Variants in ESYT2 observed in about 807,000 individuals in gnomAD.
ESYT2 encodes the protein extended synaptotagmin 2.
Under a neutral mutation model 107.2 loss-of-function variants are expected in ESYT2, and 54 were observed. The ratio of observed to expected loss-of-function variants is 0.50; its 90% CI spans 0.40 to 0.63. The LOEUF is 0.63. ESYT2 is among the 30% of genes least tolerant of loss of function. The pLI is 0.00. For synonymous variants in ESYT2, 491 were observed against 434.1 expected (o/e 1.13, Z -1.63); for missense variants, 1,020 against 1,094.5 (o/e 0.93, Z 0.96).
chr7:158,750,885 G>A (rs1023352632), intron 14 of ESYT2, among the ~76,000 whole-genome samples: 1 of 152,210 alleles, frequency 6.6e-6, no homozygotes. Context: ...GGAGCCACAG[G>A]TAGCTCGTGG....
At chr7:158,803,417 C>T (rs988959880) in intron 1 of ESYT2, among the ~76,000 whole-genome samples, 78 of 151,962 alleles carry the variant, frequency 5.1e-4, no homozygotes, top group African/African-American at 1.9e-3. Flanking sequence ...CAATAGAAAT[C>T]GGAAACTCTG....
intron 11 of ESYT2, among the ~76,000 whole-genome samples, chr7:158,760,626 G>T (rs1837929341): frequency 6.6e-6 from 1 of 152,138 alleles, no homozygotes. Context: ...CCACCAAATG[G>T]CCTTTAACGG....
At chr7:158,781,925 AAAGGTAT>A (rs1838846252) in intron 6 of ESYT2, among the ~76,000 whole-genome samples, 1 of 150,524 alleles carries the variant, frequency 6.6e-6, no homozygotes, top group Non-Finnish European at 1.5e-5. Flanking sequence ...ACAAAGTGTG[AAAGGTAT>A]GAGTGTAAGA....
intron 11 of ESYT2, 89 bp from the exon 12 acceptor site, chr7:158,760,236 C>T (rs567824088): frequency 8.6e-7 from 1 of 1,168,112 alleles, no homozygotes; most frequent in South Asian, 1.3e-5. Flanking sequence ...TTCCATGCTG[C>T]TCACTAACCA....
intron 7 of ESYT2, among the ~76,000 whole-genome samples, chr7:158,769,492 T>TC (rs1272311005): frequency 1.3e-5 from 2 of 152,314 alleles, no homozygotes; most frequent in African/African-American, 4.8e-5. Context: ...TGGATGCTGC[T>TC]CCCCTAGGTC....
intron 6 of ESYT2, among the ~76,000 whole-genome samples, chr7:158,778,043 T>C (rs572454255): frequency 9.8e-5 from 15 of 152,344 alleles, no homozygotes; most frequent in African/African-American, 3.4e-4. Flanking sequence ...GAGGTGTGCC[T>C]ATGAACACTT....
chr7:158,760,497 A>G (rs1160555905), intron 11 of ESYT2, among the ~76,000 whole-genome samples: 1 of 152,128 alleles, frequency 6.6e-6, no homozygotes, highest in Admixed American at 6.5e-5. Flanking sequence ...AAAGTCTTCT[A>G]TGAATAGACT....
At chr7:158,794,183 C>T (rs1379057285) in intron 3 of ESYT2, among the ~76,000 whole-genome samples, 2 of 152,266 alleles carry the variant, frequency 1.3e-5, no homozygotes, top group Non-Finnish European at 2.9e-5. Flanking sequence ...CTTTATGTCT[C>T]ATAATTTTTC....
intron 13 of ESYT2, among the ~76,000 whole-genome samples, chr7:158,754,387 T>G (rs1837683944): frequency 6.6e-6 from 1 of 152,050 alleles, no homozygotes; most frequent in Admixed American, 6.5e-5. Flanking sequence ...TTTGTATTTT[T>G]TTTTTACTAG....
intron 7 of ESYT2, among the ~76,000 whole-genome samples, chr7:158,770,204 A>G (rs1760150266): frequency 6.6e-6 from 1 of 151,870 alleles, no homozygotes. Flanking sequence ...TAGTTATTTA[A>G]TATTCACTTT....
intron 7 of ESYT2, 120 bp from the exon 8 acceptor site, chr7:158,767,894 T>C (rs1838218214): frequency 1.7e-6 from 2 of 1,185,020 alleles, no homozygotes; most frequent in Non-Finnish European, 2.3e-6. Flanking sequence ...AGAGTAGGAG[T>C]TATCTCATTC....
At chr7:158,808,473 A>G (rs1011538091) in intron 1 of ESYT2, among the ~76,000 whole-genome samples, 2 of 152,252 alleles carry the variant, frequency 1.3e-5, no homozygotes, top group Admixed American at 6.5e-5. Flanking sequence ...CAGATATGCC[A>G]AAGAGAAGCC....
chr7:158,741,587 C>T lies in ESYT2; in HGVS notation c.2104G>A (p.Ala702Thr), dbSNP rs773507830. The change falls in exon 18 of 23, where the codon GCC becomes ACC. Residue 702 changes from alanine (A) to threonine (T), a missense_variant. Transcript: ENST00000275418. ...GCGATGGGCAGCGAGATGTCCGAGGCGATGCTGGGGGTCGGCTCCTTGACT... is the reference window on the plus strand; with the variant it reads ...GCGATGGGCAGCGAGATGTCCGAGGTGATGCTGGGGGTCGGCTCCTTGACT... Reference protein sequence around the residue: ...ISVKEPTPSIASDISLPIATQ... With the variant: ...ISVKEPTPSITSDISLPIATQ... The T allele has an allele frequency of 5.0e-6, 8 of 1,610,278 alleles. No homozygotes were observed. The highest frequency in any genetic ancestry group is 2.2e-5 in the East Asian group (1 of 44,850).
At position 158,763,588 on chromosome 7, in the gene ESYT2, C is replaced by T. The variant is rs3763417; in HGVS notation, c.1102-423G>A. The stretch of plus-strand genomic sequence containing the variant: ...GGGATTACCAGTGTGAGCCACCGCA[C>T]CCAGCCAGTAAATTCTTTTAGGACA... On this transcript the variant is annotated intron_variant, in intron 9 of 22. Coordinates refer to ENST00000275418, the MANE Select transcript of ESYT2 (RefSeq NM_001367773.1). Among the ~76,000 whole-genome samples the T allele has an allele frequency of 4.7e-3, 720 of 152,284 alleles. 43 individuals are homozygous for T. The East Asian group carries it at 0.12, about 25-fold the overall frequency.
At chr7:158,767,592 C>T in intron 8 of ESYT2, 62 bp downstream of exon 8, 1 of 1,573,404 alleles carries the variant, frequency 6.4e-7, no homozygotes, top group South Asian at 1.2e-5. Context: ...CAATGCCACA[C>T]CCGCAGGCAG....
chr7:158,776,588 T>A (rs74647313), intron 6 of ESYT2, among the ~76,000 whole-genome samples: 4,451 of 152,318 alleles, frequency 0.029, 191 homozygotes, highest in East Asian at 0.12. Context: ...GAAGTGAAGA[T>A]AGTTAGGACT....
At chr7:158,792,212 T>C (rs1839318362) in intron 4 of ESYT2, among the ~76,000 whole-genome samples, 2 of 148,936 alleles carry the variant, frequency 1.3e-5, no homozygotes, top group Admixed American at 1.3e-4. Context: ...TATGAGATCA[T>C]CTCAACTGTA....
chr7:158,741,177 C>T (rs1027912579), intron 18 of ESYT2, among the ~76,000 whole-genome samples: 51 of 152,288 alleles, frequency 3.3e-4, no homozygotes, highest in Middle Eastern at 3.4e-3. Context: ...GTGGCCGCAG[C>T]GAGGCCCGCG....
At chr7:158,784,931 G>A (rs1309703383) in intron 6 of ESYT2, among the ~76,000 whole-genome samples, 9 of 152,182 alleles carry the variant, frequency 5.9e-5, no homozygotes. Context: ...TCTAAGGGAA[G>A]TTTTGGGAAA....
Sources: gnomAD v4.1 joint callset for allele counts (sites outside exome capture counted in the v4.1 genomes callset) on GRCh38, gnomAD v4.1.1 for gene constraint, MANE v1.5 for transcripts, NCBI Gene and HGNC (gene_info 2026-07-23, HGNC 2026-07-21) for gene names.